The following SCUBE2 variants were observed in gnomAD, a reference collection of about 807,000 sequenced individuals.
The protein encoded by SCUBE2 is signal peptide, CUB domain and EGF like domain containing 2.
In SCUBE2, 114 loss-of-function variants were observed where a neutral mutation model predicts 125.9. The observed-to-expected ratio is 0.91, with a 90% CI of 0.78 to 1.06. SCUBE2 has a LOEUF of 1.06. SCUBE2 is among the 50% of genes least tolerant of loss of function. The pLI is 0.00. For synonymous variants in SCUBE2, 459 were observed against 492.9 expected (o/e 0.93, Z 0.91); for missense variants, 1,255 against 1,301.8 (o/e 0.96, Z 0.55).
intron 4 of SCUBE2, among the ~76,000 whole-genome samples, chr11:9,072,591 G>C (rs528531056): frequency 1.3e-5 from 2 of 152,218 alleles, no homozygotes; most frequent in South Asian, 4.2e-4. Flanking sequence ...CTTTTTACAG[G>C]CTGTTCTATT....
intron 2 of SCUBE2, among the ~76,000 whole-genome samples, chr11:9,083,658 G>A (rs1453762325): frequency 6.6e-6 from 1 of 151,596 alleles, no homozygotes; most frequent in African/African-American, 2.4e-5. Context: ...AGGTTCAAGC[G>A]ATTCTCCTGC....
At chr11:9,027,027 C>A (rs1377221005) in intron 20 of SCUBE2, 6 of 312,340 alleles carry the variant, frequency 1.9e-5, no homozygotes, top group Non-Finnish European at 3.0e-5. Context: ...AGTCTCCAAG[C>A]CATCAGTTGC....
intron 17 of SCUBE2, among the ~76,000 whole-genome samples, chr11:9,031,430 C>T (rs1373988027): frequency 6.6e-6 from 1 of 152,114 alleles, no homozygotes; most frequent in African/African-American, 2.4e-5. Context: ...CCTAGGAGCT[C>T]AAGACCAGCC....
intron 18 of SCUBE2, chr11:9,030,289 A>G: frequency 1.9e-6 from 1 of 537,326 alleles, no homozygotes; most frequent in Admixed American, 3.2e-5. Context: ...TGGTTCATGC[A>G]GAGTCAGGCA....
chr11:9,038,751 T>C (rs1396711446), intron 16 of SCUBE2, among the ~76,000 whole-genome samples: 1 of 152,202 alleles, frequency 6.6e-6, no homozygotes, highest in African/African-American at 2.4e-5. Flanking sequence ...AGAGAGGAAC[T>C]TTAAAAAGCA....
At chr11:9,021,366 A>G (rs1163401620) in intron 22 of SCUBE2, among the ~76,000 whole-genome samples, 169 bp from the exon 23 acceptor site, 1 of 152,132 alleles carries the variant, frequency 6.6e-6, no homozygotes, top group African/African-American at 2.4e-5. Flanking sequence ...TATTTTTCCT[A>G]ATTAGTTTTA....
rs549477782 is a variant in SCUBE2, at chr11:9,090,572, G to C, written c.134-743C>G. Among the ~76,000 whole-genome samples, 5 of 151,130 alleles carry C rather than the reference G, an allele frequency of 3.3e-5. No homozygotes were observed. The South Asian group carries it at 8.4e-4, about 25-fold the overall frequency. On this transcript the variant is annotated intron_variant, in intron 1 of 22. Transcript: ENST00000649792. ...ATTCTTCTTCTTCCACTGTGGCCCA[G>C]GTAAGCCAAAAGATTGCACCCCGCT...
At chr11:9,062,883 G>T (rs951537908) in intron 7 of SCUBE2, among the ~76,000 whole-genome samples, 29 of 151,904 alleles carry the variant, frequency 1.9e-4, no homozygotes, top group Non-Finnish European at 1.3e-4. Flanking sequence ...GGTCAATCCA[G>T]GAGTTACCAC....
chr11:9,041,575 G>T (rs1857248087), intron 16 of SCUBE2, among the ~76,000 whole-genome samples: 1 of 152,198 alleles, frequency 6.6e-6, no homozygotes, highest in Non-Finnish European at 1.5e-5. Flanking sequence ...CAGAGAGGAT[G>T]CCTCATGAGG....
chr11:9,055,569 C>T (rs1017245708), intron 10 of SCUBE2, among the ~76,000 whole-genome samples: 3 of 152,250 alleles, frequency 2.0e-5, no homozygotes, highest in Non-Finnish European at 2.9e-5. Context: ...GAGCTCAGTT[C>T]TTCTCTCTGC....
intron 17 of SCUBE2, 145 bp downstream of exon 17, chr11:9,033,481 A>G: frequency 1.2e-6 from 1 of 835,020 alleles, no homozygotes; most frequent in Non-Finnish European, 1.9e-6. Context: ...GGCACTGGTG[A>G]GCCAAAGATG....
At chr11:9,027,314 A>T in intron 20 of SCUBE2, 50 bp downstream of exon 20, 1 of 1,576,108 alleles carries the variant, frequency 6.3e-7, no homozygotes, top group Non-Finnish European at 8.7e-7. Context: ...GGAGCAGGTC[A>T]TCAGGCTTCC....
intron 5 of SCUBE2, 93 bp from the exon 6 acceptor site, chr11:9,066,906 A>C: frequency 9.3e-7 from 1 of 1,080,346 alleles, no homozygotes; most frequent in Non-Finnish European, 1.4e-6. Context: ...TTCATTCTGC[A>C]AGTATTTGAG....
chr11:9,080,084 T>C (rs1179391321), intron 2 of SCUBE2, among the ~76,000 whole-genome samples: 1 of 152,224 alleles, frequency 6.6e-6, no homozygotes, highest in Non-Finnish European at 1.5e-5. Context: ...GGTACAGGCA[T>C]AAAGACAGAG....
intron 19 of SCUBE2, among the ~76,000 whole-genome samples, chr11:9,028,130 C>T (rs1015554426): frequency 5.3e-5 from 8 of 152,170 alleles, no homozygotes; most frequent in African/African-American, 1.4e-4. Flanking sequence ...TGGCTCACTG[C>T]GCCCTTCACC....
At chr11:9,067,732 G>A (rs1445138316) in intron 5 of SCUBE2, among the ~76,000 whole-genome samples, 1 of 152,060 alleles carries the variant, frequency 6.6e-6, no homozygotes, top group African/African-American at 2.4e-5. Context: ...TGTTAAAAAT[G>A]TTAATAATGT....
At chr11:9,053,602 C>G (rs768357344) in intron 11 of SCUBE2, 35 bp downstream of exon 11, 1 of 1,608,572 alleles carries the variant, frequency 6.2e-7, no homozygotes, top group Non-Finnish European at 8.5e-7. Flanking sequence ...CAGTGGCCAG[C>G]CTGCTGTCTG....
Position 9,065,989 on chromosome 11 carries a change from G to C in SCUBE2, c.761-9C>G. The C allele has an allele frequency of 6.2e-7, 1 of 1,602,242 alleles. No individual in the cohort carries two copies. The highest frequency in any genetic ancestry group is 2.2e-5 in the East Asian group (1 of 44,804). ...GACAGTGTCCTCTCGCTCTACAAGA[G>C]AAGCAAAAGAGCACGGTTCTCAGAC... On this transcript the variant is annotated splice_polypyrimidine_tract_variant and intron_variant, in intron 6 of 22. Coordinates refer to ENST00000649792, the MANE Select transcript of SCUBE2 (RefSeq NM_001367977.2).
chr11:9,040,376 A>T (rs1005857854), intron 16 of SCUBE2, among the ~76,000 whole-genome samples: 5 of 152,230 alleles, frequency 3.3e-5, no homozygotes, highest in Non-Finnish European at 7.3e-5. Context: ...CCTTCTTGTG[A>T]TCTGTCAATC....
Sources: allele counts gnomAD v4.1 joint callset (sites outside exome capture counted in the v4.1 genomes callset), GRCh38; gene constraint gnomAD v4.1.1; transcripts MANE v1.5; gene names NCBI Gene and HGNC (gene_info 2026-07-23, HGNC 2026-07-21).